The following ESRRG variants were observed in gnomAD, a reference collection of about 807,000 sequenced individuals.
The protein encoded by ESRRG is estrogen-related receptor gamma.
In ESRRG, 13 loss-of-function variants were observed where a neutral mutation model predicts 44.0. That is an observed-to-expected ratio of 0.30 (90% CI 0.19 to 0.47). ESRRG has a LOEUF of 0.47. Among genes scored for constraint, ESRRG ranks in the 20% least tolerant of loss-of-function variants. The probability of loss-of-function intolerance (pLI) is 1.00; values close to 1 mark genes in which losing one functional copy is unlikely to be tolerated. For synonymous variants in ESRRG, 215 were observed against 214.6 expected, an observed-to-expected ratio of 1.00 and a Z score of -0.02; for missense variants, 395 against 580.6, an observed-to-expected ratio of 0.68 and a Z score of 3.29.
intron 1 of ESRRG, among the ~76,000 whole-genome samples, chr1:216,967,048 C>T (rs965614969): frequency 6.6e-6 from 1 of 152,072 alleles, no homozygotes; most frequent in African/African-American, 2.4e-5. Flanking sequence ...GCCTTGTCTT[C>T]TACTCTTTTT....
chr1:216,530,231 C>T (rs2048944115), intron 5 of ESRRG, among the ~76,000 whole-genome samples: 1 of 150,544 alleles, frequency 6.6e-6, no homozygotes, highest in Non-Finnish European at 1.5e-5. Flanking sequence ...TTTTAAAAAG[C>T]ACATTCCACA....
At chr1:216,581,596 C>A (rs1416034659) in intron 3 of ESRRG, among the ~76,000 whole-genome samples, 1 of 150,898 alleles carries the variant, frequency 6.6e-6, no homozygotes, top group Non-Finnish European at 1.5e-5. Flanking sequence ...GGACTACCTA[C>A]ACAAAGTGAG....
chr1:216,538,565 G>C (rs1032732768), intron 5 of ESRRG, among the ~76,000 whole-genome samples: 7 of 152,050 alleles, frequency 4.6e-5, no homozygotes, highest in Non-Finnish European at 1.0e-4. Flanking sequence ...TTCCTCCAGG[G>C]AAACGCAGGA....
chr1:216,529,289 A>G (rs1291544643), intron 5 of ESRRG, among the ~76,000 whole-genome samples: 1 of 152,202 alleles, frequency 6.6e-6, no homozygotes, highest in Non-Finnish European at 1.5e-5. Context: ...CCAGGATCAC[A>G]TTATTTTGAT....
intron 2 of ESRRG, among the ~76,000 whole-genome samples, chr1:216,904,057 G>A (rs939522933): frequency 5.3e-5 from 8 of 152,066 alleles, no homozygotes; most frequent in Admixed American, 3.3e-4. Context: ...CATAGTGCCC[G>A]TACCTACCTT....
chr1:216,915,148 A>T (rs1420910237), intron 2 of ESRRG, among the ~76,000 whole-genome samples: 1 of 152,166 alleles, frequency 6.6e-6, no homozygotes, highest in Non-Finnish European at 1.5e-5. Flanking sequence ...TGACTGCCAG[A>T]GATTGCCACA....
chr1:216,551,695 C>G (rs2056382061), intron 5 of ESRRG, among the ~76,000 whole-genome samples: 1 of 152,084 alleles, frequency 6.6e-6, no homozygotes, highest in African/African-American at 2.4e-5. Flanking sequence ...CTGCCAGAAA[C>G]AGTGTTTGTT....
intron 5 of ESRRG, among the ~76,000 whole-genome samples, chr1:216,555,243 G>T (rs1305222754): frequency 1.3e-5 from 2 of 152,152 alleles, no homozygotes; most frequent in East Asian, 3.9e-4. Context: ...CTCTACTGAG[G>T]TTTGTGATCC....
chr1:216,794,336 G>A (rs575375357), intron 2 of ESRRG, among the ~76,000 whole-genome samples: 4 of 152,268 alleles, frequency 2.6e-5, no homozygotes, highest in South Asian at 2.1e-4. Flanking sequence ...AACTTAAACC[G>A]CTTGGGGGGA....
chr1:216,915,157 C>T (rs2060986105), intron 2 of ESRRG, among the ~76,000 whole-genome samples: 1 of 152,202 alleles, frequency 6.6e-6, no homozygotes, highest in Non-Finnish European at 1.5e-5. Flanking sequence ...GAGATTGCCA[C>T]ACCACCTCAT....
intron 1 of ESRRG, among the ~76,000 whole-genome samples, chr1:217,044,836 C>T (rs755508276): frequency 6.6e-6 from 1 of 152,140 alleles, no homozygotes; most frequent in Non-Finnish European, 1.5e-5. Flanking sequence ...TTCAGGCACA[C>T]GTGTACACAT....
chr1:216,658,852 AGAGAAGAGAAGAGAAGAG>A (rs967993063), intron 2 of ESRRG, among the ~76,000 whole-genome samples: 1 of 10,022 alleles, frequency 1.0e-4, no homozygotes, highest in African/African-American at 2.4e-4. Flanking sequence ...AAGTAAAAGA[AGAGAAGAGAAGAGAAGAG>A]AAGAGAAGAG....
chr1:216,708,808 C>A (rs1309308492), intron 1 of ESRRG, among the ~76,000 whole-genome samples: 1 of 152,108 alleles, frequency 6.6e-6, no homozygotes, highest in Admixed American at 6.6e-5. Context: ...AGACTTGGAA[C>A]CAACCCAAAT....
At chr1:216,941,329 C>T (rs1285133596) in intron 1 of ESRRG, among the ~76,000 whole-genome samples, 5 of 152,130 alleles carry the variant, frequency 3.3e-5, no homozygotes, top group Admixed American at 3.3e-4. Context: ...AAAAATCCTT[C>T]AGGTGCTGAT....
chr1:216,593,062 T>A (rs2057933577), intron 3 of ESRRG, among the ~76,000 whole-genome samples: 1 of 152,188 alleles, frequency 6.6e-6, no homozygotes. Flanking sequence ...GGGGACTGTT[T>A]GCATTTCAGC....
chr1:216,927,700 A>G (rs1318804924), intron 2 of ESRRG, among the ~76,000 whole-genome samples: 4 of 152,150 alleles, frequency 2.6e-5, no homozygotes, highest in South Asian at 2.1e-4. Context: ...TCCTTCAGGA[A>G]TATGGCATTC....
chr1:216,670,102 C>T (rs1453193209), intron 2 of ESRRG, among the ~76,000 whole-genome samples: 7 of 152,146 alleles, frequency 4.6e-5, no homozygotes, highest in South Asian at 2.1e-4. Flanking sequence ...GTTATTTTCT[C>T]TAGACACTAT....
At chr1:217,093,539 T>C (rs912540612), upstream of ESRRG, among the ~76,000 whole-genome samples, 2 of 152,010 alleles carry the variant, frequency 1.3e-5, no homozygotes, top group East Asian at 1.9e-4. Flanking sequence ...TCCCAGCACT[T>C]CAGGAGGCCA....
intron 1 of ESRRG, among the ~76,000 whole-genome samples, chr1:216,948,476 CAAAA>C (rs5780948): frequency 6.8e-5 from 7 of 103,382 alleles, no homozygotes; most frequent in Admixed American, 4.2e-4. Context: ...GACTCCATCT[CAAAA>C]AAAAAAAAAA....
Sources: allele counts gnomAD v4.1 joint callset (sites outside exome capture counted in the v4.1 genomes callset), GRCh38; gene constraint gnomAD v4.1.1; transcripts MANE v1.5; gene names NCBI Gene and HGNC (gene_info 2026-07-23, HGNC 2026-07-21).